The following PRRC1 variants were observed in gnomAD, a reference collection of about 807,000 sequenced individuals.
The protein encoded by PRRC1 is protein PRRC1.
A neutral mutation model predicts 40.7 loss-of-function variants in PRRC1; 39 were observed. The observed-to-expected ratio is 0.96, with a 90% confidence interval of 0.74 to 1.25. PRRC1 has a LOEUF of 1.25. Ranked by LOEUF, PRRC1 falls within the 50% of genes most tolerant of loss-of-function variation. The pLI, the probability that PRRC1 is intolerant of heterozygous loss-of-function variation, is 0.00. For synonymous variants in PRRC1, 175 were observed against 193.3 expected, an observed-to-expected ratio of 0.91 and a Z score of 0.79; for missense variants, 573 against 548.3, an observed-to-expected ratio of 1.05 and a Z score of -0.45.
chr5:127,522,446 A>G (rs1479683640), intron 1 of PRRC1, among the ~76,000 whole-genome samples: 1 of 152,192 alleles, frequency 6.6e-6, no homozygotes, highest in Non-Finnish European at 1.5e-5. Flanking sequence ...GCTGGAGTAC[A>G]GTGGCATTCT....
chr5:127,551,565 G>GAAA, intron 8 of PRRC1, 142 bp from the exon 9 acceptor site: 1 of 805,784 alleles, frequency 1.2e-6, no homozygotes, highest in South Asian at 1.8e-5. Context: ...AGTTGATATA[G>GAAA]TTGGCAGCCT....
intron 7 of PRRC1, among the ~76,000 whole-genome samples, chr5:127,542,767 T>A (rs1486081842): frequency 1.3e-5 from 2 of 150,512 alleles, no homozygotes; most frequent in African/African-American, 2.4e-5. Context: ...CCTATGTGTG[T>A]CTCTGCACGT....
intron 7 of PRRC1, among the ~76,000 whole-genome samples, chr5:127,547,030 A>G (rs942847300): frequency 1.3e-5 from 2 of 152,120 alleles, no homozygotes; most frequent in African/African-American, 4.8e-5. Flanking sequence ...AAAGTCTCCT[A>G]ATCCATTTTA....
intron 4 of PRRC1, among the ~76,000 whole-genome samples, chr5:127,528,530 T>A (rs1014352955): frequency 6.6e-6 from 1 of 152,170 alleles, no homozygotes; most frequent in Non-Finnish European, 1.5e-5. Flanking sequence ...TTGGCCAGGC[T>A]GGTCTCGAAC....
chr5:127,552,580 T>G lies in PRRC1; in HGVS notation c.*664T>G. 1.0e-6 allele frequency: 1 copy of G among 984,970 alleles called. No homozygotes were observed. The highest frequency in any genetic ancestry group is 1.2e-6 in the Non-Finnish European group (1 of 829,034). The allele number at this position is 984,970 out of a possible 1,614,324, so 61.0% of individuals were successfully genotyped here. On this transcript the variant is annotated 3_prime_UTR_variant, in exon 9 of 9. Coordinates refer to ENST00000296666, the MANE Select transcript of PRRC1 (RefSeq NM_130809.5). ...TAACTTTTGGCATTTCCCAGATTTA[T>G]ACTATGAACATTGGGGTAATACATT...
chr5:127,526,137 A>C (rs1225037967), intron 3 of PRRC1, among the ~76,000 whole-genome samples: 1 of 152,164 alleles, frequency 6.6e-6, no homozygotes, highest in Non-Finnish European at 1.5e-5. Flanking sequence ...TGTGCTTTTT[A>C]TTATCTATCT....
At position 127,539,075 on chromosome 5, in the gene PRRC1, TG is replaced by T. The variant is rs1767970348; in HGVS notation, c.961del (p.Val321Ter). 6.2e-7 allele frequency: 1 copy of T among 1,612,962 alleles called. No homozygotes were observed. The highest frequency in any genetic ancestry group is 1.3e-5 in the African/African-American group (1 of 75,004). ...QERIDSLRRT[G>X]VIHEKQTAVS... The stretch of plus-strand genomic sequence containing the variant: ...AACGGATAGATAGCTTGCGTCGAAC[TG>T]GGGTGATCCATGAAAAACAGACAGC... On this transcript the variant is annotated frameshift_variant, in exon 7 of 9. Coordinates refer to ENST00000296666, the MANE Select transcript of PRRC1 (RefSeq NM_130809.5). LOFTEE classifies it high-confidence loss of function.
intron 8 of PRRC1, chr5:127,548,230 G>A (rs1218933726): frequency 4.0e-6 from 2 of 504,866 alleles, no homozygotes; most frequent in Non-Finnish European, 3.5e-6. Flanking sequence ...GTTGTTTTAT[G>A]TCCGCCTTTC....
chr5:127,525,063 C>A, intron 3 of PRRC1, 143 bp downstream of exon 3: 5 of 868,258 alleles, frequency 5.8e-6, no homozygotes, highest in Non-Finnish European at 8.4e-6. Context: ...TAGTTTACAT[C>A]AGAATTGTGC....
In PRRC1 at chr5:127,548,166, C is replaced by T; in HGVS notation, c.1128+245C>T. ...CATTACATGGTTAATCATTATTTCT[C>T]TCATTTTTTTCTTTGTTTTTACTCT... On this transcript the variant is annotated intron_variant, in intron 8 of 8. Coordinates refer to ENST00000296666, the MANE Select transcript of PRRC1 (RefSeq NM_130809.5). The T allele has an allele frequency of 5.6e-6, 3 of 534,140 alleles. No individual in the cohort carries two copies. In the South Asian group the frequency reaches 8.6e-5, roughly 15 times the overall value. The allele number at this position is 534,140 out of a possible 1,614,324, so 33.1% of individuals were successfully genotyped here. A position where few individuals can be genotyped will look rare whatever the true frequency, so the allele number is the denominator to read the frequency against.
chr5:127,548,858 G>A (rs965025333), intron 8 of PRRC1: 17 of 152,116 alleles, frequency 1.1e-4, no homozygotes, highest in Admixed American at 3.3e-4. Flanking sequence ...TATTTATACC[G>A]TAATTTCTTT....
At chr5:127,543,489 C>T (rs1768113285) in intron 7 of PRRC1, among the ~76,000 whole-genome samples, 1 of 152,188 alleles carries the variant, frequency 6.6e-6, no homozygotes, top group South Asian at 2.1e-4. Context: ...GTTCCATTCT[C>T]CCCGTCGCTT....
intron 1 of PRRC1, among the ~76,000 whole-genome samples, chr5:127,520,458 A>G (rs967378866): frequency 6.6e-5 from 10 of 152,270 alleles, no homozygotes; most frequent in Non-Finnish European, 1.3e-4. Flanking sequence ...GTACATTTAT[A>G]CAATGGAATA....
At chr5:127,522,240 ATTG>A (rs1033238700) in intron 1 of PRRC1, among the ~76,000 whole-genome samples, 25 of 152,200 alleles carry the variant, frequency 1.6e-4, no homozygotes, top group African/African-American at 6.0e-4. Context: ...TTTATAATCC[ATTG>A]TTGTCTATTA....
chr5:127,546,161 T>G (rs1768214323), intron 7 of PRRC1, among the ~76,000 whole-genome samples: 1 of 152,200 alleles, frequency 6.6e-6, no homozygotes, highest in African/African-American at 2.4e-5. Flanking sequence ...GTTTTGACAT[T>G]TTCTATTCAC....
At chr5:127,523,684 C>G in intron 2 of PRRC1, 102 bp downstream of exon 2, 1 of 551,882 alleles carries the variant, frequency 1.8e-6, no homozygotes, top group African/African-American at 1.9e-5. Flanking sequence ...ATTAAAACTT[C>G]TCTATTATTT....
intron 5 of PRRC1, among the ~76,000 whole-genome samples, chr5:127,531,617 C>CTTCTTTTTTTTTTTT (rs1268819647): frequency 1.4e-4 from 14 of 99,650 alleles, no homozygotes; most frequent in African/African-American, 6.5e-4. Flanking sequence ...TCTTCTTCTT[C>CTTCTTTTTTTTTTTT]TTTTTTTTTT....
At chr5:127,538,324 C>A (rs1021469616) in intron 6 of PRRC1, among the ~76,000 whole-genome samples, 1 of 152,080 alleles carries the variant, frequency 6.6e-6, no homozygotes, top group African/African-American at 2.4e-5. Flanking sequence ...TCCATGGCTA[C>A]TTCTGTTCAG....
chr5:127,533,685 C>T lies in PRRC1; in HGVS notation c.820C>T (p.Arg274Ter), dbSNP rs766576557. 44 of 1,613,862 alleles carry T rather than the reference C, an allele frequency of 2.7e-5. No homozygotes were observed. The highest frequency in any genetic ancestry group is 5.3e-5 in the African/African-American group (4 of 74,858). Residue 274 changes from arginine (R) to a stop codon, truncating the protein, a stop_gained, in exon 6 of 9, where the codon CGA becomes TGA. Coordinates refer to ENST00000296666, the MANE Select transcript of PRRC1 (RefSeq NM_130809.5). LOFTEE classifies it high-confidence loss of function. ...SNKEVKVAAV[R>*]DAFQEVFGLA... ...TAAAGAAGTAAAAGTTGCTGCTGTC[C>T]GAGATGCCTTCCAGGAGGTCTTTGG...
Sources: gnomAD v4.1 joint callset for allele counts (sites outside exome capture counted in the v4.1 genomes callset) on GRCh38, gnomAD v4.1.1 for gene constraint, MANE v1.5 for transcripts, NCBI Gene and HGNC (gene_info 2026-07-23, HGNC 2026-07-21) for gene names.